The following CHRM3 variants were observed in gnomAD, a reference collection of about 807,000 sequenced individuals.
CHRM3 encodes muscarinic acetylcholine receptor M3.
A neutral mutation model predicts 41.8 loss-of-function variants in CHRM3; 11 were observed. The ratio of observed to expected loss-of-function variants is 0.26; its 90% CI spans 0.17 to 0.44. CHRM3 has a LOEUF of 0.44. Ranked by LOEUF, CHRM3 falls within the 20% of genes least tolerant of loss-of-function variation. CHRM3 has a pLI of 1.00. For synonymous variants in CHRM3, 297 were observed against 301.4 expected (o/e 0.99, Z 0.15); for missense variants, 571 against 745.4 (o/e 0.77, Z 2.72).
intron 1 of CHRM3, among the ~76,000 whole-genome samples, chr1:239,480,740 A>AAAACTCT (rs1666795373): frequency 1.3e-5 from 2 of 151,700 alleles, no homozygotes; most frequent in African/African-American, 4.8e-5. Context: ...GTACTTTTTT[A>AAAACTCT]GTAGAGACAG....
intron 5 of CHRM3, among the ~76,000 whole-genome samples, chr1:239,799,161 T>C (rs1262299572): frequency 1.3e-5 from 2 of 152,100 alleles, no homozygotes; most frequent in African/African-American, 2.4e-5. Flanking sequence ...GTTTCAAATA[T>C]TGGAGTAAAG....
At chr1:239,577,193 C>T (rs980659540) in intron 3 of CHRM3, among the ~76,000 whole-genome samples, 3 of 151,974 alleles carry the variant, frequency 2.0e-5, no homozygotes, top group African/African-American at 7.2e-5. Flanking sequence ...CTTTCTCTTC[C>T]CCATTATCCC....
At chr1:239,491,494 C>A (rs1667550526) in intron 1 of CHRM3, among the ~76,000 whole-genome samples, 1 of 152,226 alleles carries the variant, frequency 6.6e-6, no homozygotes, top group South Asian at 2.1e-4. Context: ...TCTCCAAGCT[C>A]CATGTTGCCA....
intron 1 of CHRM3, among the ~76,000 whole-genome samples, chr1:239,423,991 C>A (rs1202736389): frequency 1.4e-5 from 2 of 146,268 alleles, no homozygotes; most frequent in African/African-American, 2.6e-5. Flanking sequence ...GGAGGTGGAG[C>A]TTGCAGTGAG....
At chr1:239,634,213 C>T (rs1330918663) in intron 4 of CHRM3, among the ~76,000 whole-genome samples, 1 of 152,086 alleles carries the variant, frequency 6.6e-6, no homozygotes, top group Non-Finnish European at 1.5e-5. Context: ...AGTCAGGGGA[C>T]ATTGTCAGCT....
rs1680181925 is a variant in CHRM3, at chr1:239,908,799, A to G, written c.1348A>G (p.Ser450Gly). 2 of 1,614,134 alleles carry G rather than the reference A, an allele frequency of 1.2e-6. No individual in the cohort carries two copies. The highest frequency in any genetic ancestry group is 1.7e-6 in the Non-Finnish European group (2 of 1,180,030). ...TGACGTCAACTCCTCAGTGGGTAAG[A>G]GCACGGCCACTCTACCTCTGTCCTT... Reference protein sequence around the residue: ...TSDVNSSVGKSTATLPLSFKE... With the variant: ...TSDVNSSVGKGTATLPLSFKE... The change falls in exon 7 of 7, where the codon AGC (serine) becomes GGC (glycine). Residue 450 changes from serine (S) to glycine (G), a missense_variant. Transcript: ENST00000676153. This position sits in a 1 kb window ranked among gnomAD's most constrained non-coding sequence, Gnocchi z 7.2.
At position 239,908,066 on chromosome 1, in the gene CHRM3, G is replaced by A. The variant is rs200493922; in HGVS notation, c.615G>A (p.Leu205=). ...ISFVLWAPAI[L]FWQYFVGKRT... is the part of the protein sequence containing the mutation. Reference sequence around the variant, plus strand: ...TTGTCCTTTGGGCTCCTGCCATCTTGTTCTGGCAATACTTTGTTGGAAAGA... The same window carrying A: ...TTGTCCTTTGGGCTCCTGCCATCTTATTCTGGCAATACTTTGTTGGAAAGA... The change falls in exon 7 of 7, where the codon TTG becomes TTA. Residue 205 remains leucine, a synonymous_variant. Transcript: ENST00000676153. The surrounding 1 kb of genome is among the most constrained non-coding windows in gnomAD (Gnocchi z 7.2). The A allele has an allele frequency of 1.9e-4, 300 of 1,614,180 alleles. 5 individuals are homozygous for A. The South Asian group carries it at 3.1e-3, about 17-fold the overall frequency.
In CHRM3 at chr1:239,436,245, A is replaced by G. The variant is rs565947900; in HGVS notation, c.-521+49018A>G. On this transcript the variant is annotated intron_variant, in intron 1 of 6. Transcript: ENST00000676153. ...CAGCAGATTGTAAACATATTAATTA[A>G]AAAGGTACCACTTTGGGCTAGTCAA... is the stretch of plus-strand genomic sequence containing the variant. Among the ~76,000 whole-genome samples, 3 of 152,244 alleles carry G rather than the reference A, an allele frequency of 2.0e-5. No homozygotes were observed. In the South Asian group the frequency reaches 6.2e-4, roughly 32 times the overall value.
intron 5 of CHRM3, among the ~76,000 whole-genome samples, chr1:239,759,196 TAG>T (rs144204518): frequency 0.013 from 1,797 of 135,350 alleles, 60 homozygotes; most frequent in African/African-American, 0.054. Context: ...TTTTTTTTTT[TAG>T]AGAGAGGCTT....
intron 6 of CHRM3, among the ~76,000 whole-genome samples, chr1:239,834,430 A>G (rs1673147197): frequency 6.7e-6 from 1 of 148,572 alleles, no homozygotes; most frequent in Non-Finnish European, 1.5e-5. Context: ...CTCCTGCCTC[A>G]GCTTCCCAAA....
At chr1:239,539,164 A>G (rs1362309024) in intron 2 of CHRM3, among the ~76,000 whole-genome samples, 1 of 152,214 alleles carries the variant, frequency 6.6e-6, no homozygotes, top group Non-Finnish European at 1.5e-5. Context: ...AAGCTGCTTC[A>G]GATTCCCTGA....
At chr1:239,519,911 C>G (rs1331814845) in intron 2 of CHRM3, among the ~76,000 whole-genome samples, 1 of 151,954 alleles carries the variant, frequency 6.6e-6, no homozygotes, top group Non-Finnish European at 1.5e-5. Flanking sequence ...CCACACCCCG[C>G]TAATTTTTTG....
intron 4 of CHRM3, among the ~76,000 whole-genome samples, chr1:239,634,219 C>T (rs191132221): frequency 1.6e-4 from 25 of 152,230 alleles, no homozygotes; most frequent in Admixed American, 1.0e-3. Context: ...GGGACATTGT[C>T]AGCTCAGTAA....
intron 1 of CHRM3, among the ~76,000 whole-genome samples, chr1:239,416,293 C>T (rs1053294578): frequency 1.3e-5 from 2 of 151,802 alleles, no homozygotes; most frequent in Admixed American, 1.3e-4. Flanking sequence ...CAGGAACTAA[C>T]CACGGGCATA....
At chr1:239,520,645 C>G (rs1016325424) in intron 2 of CHRM3, among the ~76,000 whole-genome samples, 1 of 152,094 alleles carries the variant, frequency 6.6e-6, no homozygotes, top group South Asian at 2.1e-4. Flanking sequence ...TCAGGTAGTT[C>G]TTTATTGCAA....
At position 239,469,366 on chromosome 1, in the gene CHRM3, A is replaced by G. The variant is rs10925890; in HGVS notation, c.-520-23343A>G. 7.6e-3 allele frequency among the ~76,000 whole-genome samples: 1,163 copies of G among 152,234 alleles called. 15 individuals are homozygous for G. The highest frequency in any genetic ancestry group is 0.027 in the African/African-American group (1,102 of 41,544). On this transcript the variant is annotated intron_variant, in intron 1 of 6. Coordinates refer to ENST00000676153, the MANE Select transcript of CHRM3 (RefSeq NM_001375978.1). ...GTGCTGGTTGGACTGTGAGCTCCCA[A>G]AGGTCTGTCTCTGAATCATCTTGGT...
chr1:239,856,352 C>T (rs1330089883), intron 6 of CHRM3, among the ~76,000 whole-genome samples: 3 of 152,070 alleles, frequency 2.0e-5, no homozygotes. Context: ...AATGGTTTAG[C>T]GCCGTCCCCC....
Position 239,908,296 on chromosome 1 carries a change from A to C in CHRM3, c.845A>C (p.His282Pro), listed in dbSNP as rs748189010. 6.2e-7 allele frequency: 1 copy of C among 1,613,874 alleles called. No individual in the cohort carries two copies. The highest frequency in any genetic ancestry group is 1.6e-4 in the Middle Eastern group (1 of 6,084). ...GAGGCAGAGACAGAAAACTTTGTCC[A>C]CCCCACGGGCAGTTCTCGAAGCTGC... ...GTEAETENFV[H>P]PTGSSRSCSS... The change falls in exon 7 of 7, where the codon CAC becomes CCC. Residue 282 changes from histidine (H) to proline (P), a missense_variant. Physicochemically the swap from His to Pro is moderately conservative, Grantham distance 77 (BLOSUM62 -2). Transcript: ENST00000676153. This position sits in a 1 kb window ranked among gnomAD's most constrained non-coding sequence, Gnocchi z 7.2.
At chr1:239,463,932 G>T (rs1665536810) in intron 1 of CHRM3, among the ~76,000 whole-genome samples, 1 of 152,082 alleles carries the variant, frequency 6.6e-6, no homozygotes, top group South Asian at 2.1e-4. Context: ...ATAAAATCAT[G>T]CAGTATTGGT....
Sources: gnomAD v4.1 joint callset for allele counts (sites outside exome capture counted in the v4.1 genomes callset) on GRCh38, gnomAD v4.1.1 for gene constraint, Gnocchi (gnomAD v3.1) non-coding constraint, MANE v1.5 for transcripts, NCBI Gene and HGNC (gene_info 2026-07-23, HGNC 2026-07-21) for gene names.